Variants in PHACTR1 observed in about 807,000 individuals in gnomAD.
PHACTR1 encodes phosphatase and actin regulator 1, also known as RPEL repeat containing 1.
In PHACTR1, 16 loss-of-function variants were observed where a neutral mutation model predicts 69.2. The observed-to-expected ratio is 0.23, with a 90% confidence interval of 0.16 to 0.35. The LOEUF (loss-of-function observed/expected upper bound fraction) is 0.35, where lower values mean the gene tolerates loss of function less well. PHACTR1 is among the 10% of genes least tolerant of loss of function. The pLI, the probability that PHACTR1 is intolerant of heterozygous loss-of-function variation, is 1.00. For synonymous variants in PHACTR1, 312 were observed against 284.5 expected (o/e 1.10, Z -0.97); for missense variants, 510 against 734.7 (o/e 0.69, Z 3.54).
intron 5 of PHACTR1, among the ~76,000 whole-genome samples, chr6:13,092,231 G>A (rs1462879377): frequency 2.0e-5 from 3 of 152,212 alleles, no homozygotes; most frequent in Non-Finnish European, 2.9e-5. Flanking sequence ...CCAGCTCTGC[G>A]GCACAGTTCC....
chr6:12,994,156 G>A (rs1797133231), intron 4 of PHACTR1, among the ~76,000 whole-genome samples: 1 of 152,026 alleles, frequency 6.6e-6, no homozygotes, highest in African/African-American at 2.4e-5. Flanking sequence ...ATAGCACAGT[G>A]GACACAGCCA....
chr6:12,812,829 G>A (rs1290910886), intron 4 of PHACTR1, among the ~76,000 whole-genome samples: 1 of 152,186 alleles, frequency 6.6e-6, no homozygotes, highest in African/African-American at 2.4e-5. Context: ...CACTTCAGCG[G>A]TGTGTAATTG....
chr6:12,921,610 A>AG (rs1190111257), intron 4 of PHACTR1, among the ~76,000 whole-genome samples: 28 of 107,686 alleles, frequency 2.6e-4, no homozygotes, highest in African/African-American at 9.6e-4. Flanking sequence ...GGGAGGAAGG[A>AG]AGGAAGAAAG....
At chr6:12,917,621 A>C (rs1787157663) in intron 4 of PHACTR1, among the ~76,000 whole-genome samples, 1 of 152,160 alleles carries the variant, frequency 6.6e-6, no homozygotes, top group African/African-American at 2.4e-5. Flanking sequence ...GCCAGGTGGC[A>C]TCATGAGCCT....
rs73362183 is a variant in PHACTR1, at chr6:12,904,909, C to T, written c.251-148456C>T. On this transcript the variant is annotated intron_variant, in intron 4 of 14. Coordinates refer to ENST00000332995, the MANE Select transcript of PHACTR1 (RefSeq NM_030948.6). ...TTGTTGAGATGAGGTATGCAAAGTCCCTGGCATGCAGTGAGCACTCAGCAA... is the reference window on the plus strand; with the variant it reads ...TTGTTGAGATGAGGTATGCAAAGTCTCTGGCATGCAGTGAGCACTCAGCAA... 8.2e-3 allele frequency among the ~76,000 whole-genome samples: 1,250 copies of T among 152,138 alleles called. 16 individuals are homozygous for T. Among genetic ancestry groups the T allele is most frequent in the African/African-American group, 0.028 (1,169 of 41,514 alleles).
At chr6:13,120,073 G>A (rs1008636082) in intron 5 of PHACTR1, among the ~76,000 whole-genome samples, 1 of 152,228 alleles carries the variant, frequency 6.6e-6, no homozygotes, top group East Asian at 1.9e-4. Context: ...TACCTCTCCT[G>A]GTGCCTCCTC....
chr6:13,162,526 A>G (rs150289203), intron 6 of PHACTR1, among the ~76,000 whole-genome samples: 56 of 152,294 alleles, frequency 3.7e-4, no homozygotes, highest in African/African-American at 1.2e-3. Flanking sequence ...TAAAGGTATA[A>G]TATTATATAA....
chr6:12,871,006 G>T (rs1183537936), intron 4 of PHACTR1, among the ~76,000 whole-genome samples: 2 of 152,156 alleles, frequency 1.3e-5, no homozygotes, highest in Admixed American at 6.5e-5. Context: ...ATGAGTTTAG[G>T]CTTGTGTAGA....
chr6:12,858,022 G>A (rs947492074), intron 4 of PHACTR1, among the ~76,000 whole-genome samples: 1 of 152,138 alleles, frequency 6.6e-6, no homozygotes, highest in Non-Finnish European at 1.5e-5. Context: ...AAAGATTACA[G>A]ATATAGCCTG....
In PHACTR1 at chr6:12,933,792, G is replaced by A. The variant is rs1562026356; in HGVS notation, c.251-119573G>A. On this transcript the variant is annotated intron_variant, in intron 4 of 14. Transcript: ENST00000332995. ...TCAGCCCACATCTGCTCAGGCCCCA[G>A]TACAGGTGGACAATTCTCTACTCAG... The A allele has an allele frequency of 9.3e-6, 15 of 1,612,844 alleles. 1 individual carries two copies. The East Asian group carries it at 2.9e-4, about 31-fold the overall frequency.
At chr6:12,722,637 C>T (rs543556289) in intron 3 of PHACTR1, among the ~76,000 whole-genome samples, 1 of 152,326 alleles carries the variant, frequency 6.6e-6, no homozygotes, top group East Asian at 1.9e-4. Flanking sequence ...GGTGCCTGAT[C>T]TATTCTTCTG....
intron 10 of PHACTR1, among the ~76,000 whole-genome samples, chr6:13,252,819 G>A (rs4711948): frequency 0.072 from 10,805 of 149,278 alleles, 695 homozygotes; most frequent in Admixed American, 0.22. Context: ...ATGGACCATG[G>A]GTCAGGAAAG....
intron 3 of PHACTR1, among the ~76,000 whole-genome samples, chr6:12,734,908 G>A (rs1018970037): frequency 3.3e-5 from 5 of 152,124 alleles, no homozygotes; most frequent in African/African-American, 4.8e-5. Flanking sequence ...ATAGTATTAG[G>A]CATTAACAAT....
chr6:12,832,480 C>T lies in PHACTR1; in HGVS notation c.250+82690C>T, dbSNP rs1351030879. On this transcript the variant is annotated intron_variant, in intron 4 of 14. Transcript: ENST00000332995. ...CATTACAAAATAATTTATGGCCTAA[C>T]ATGTCTCGAATAATCAGACAATTCA... Among the ~76,000 whole-genome samples, 10 of 152,170 alleles carry T rather than the reference C, an allele frequency of 6.6e-5. No homozygotes were observed. The East Asian group carries it at 1.9e-3, about 29-fold the overall frequency.
intron 5 of PHACTR1, among the ~76,000 whole-genome samples, chr6:13,153,737 T>A (rs575985800): frequency 6.6e-6 from 1 of 152,230 alleles, no homozygotes; most frequent in East Asian, 1.9e-4. Context: ...CATATTCATT[T>A]TGGGGAGAAC....
chr6:12,902,682 T>C (rs774579819), intron 4 of PHACTR1, among the ~76,000 whole-genome samples: 8 of 152,202 alleles, frequency 5.3e-5, no homozygotes, highest in Non-Finnish European at 7.4e-5. Context: ...TTTCTTCCTC[T>C]TGAATGTTCG....
At chr6:12,792,061 T>C (rs1772350666) in intron 4 of PHACTR1, among the ~76,000 whole-genome samples, 1 of 152,226 alleles carries the variant, frequency 6.6e-6, no homozygotes, top group Non-Finnish European at 1.5e-5. Context: ...TTAGTATACA[T>C]GCAGGTATAT....
intron 5 of PHACTR1, among the ~76,000 whole-genome samples, chr6:13,159,717 G>A (rs1033298785): frequency 9.8e-5 from 15 of 152,318 alleles, no homozygotes; most frequent in African/African-American, 2.9e-4. Flanking sequence ...CAAGGCAAGT[G>A]GATCACGAGG....
chr6:12,717,220 G>T (rs542864828), intron 1 of PHACTR1, among the ~76,000 whole-genome samples: 42 of 152,022 alleles, frequency 2.8e-4, no homozygotes, highest in Admixed American at 6.5e-4. Flanking sequence ...CCAGCATTAG[G>T]GTAATAACTG....
Sources: gnomAD v4.1 joint callset for allele counts (sites outside exome capture counted in the v4.1 genomes callset) on GRCh38, gnomAD v4.1.1 for gene constraint, MANE v1.5 for transcripts, NCBI Gene and HGNC (gene_info 2026-07-23, HGNC 2026-07-21) for gene names.